The following CARMIL1 variants were observed in gnomAD, a reference collection of about 807,000 sequenced individuals.
CARMIL1 encodes the protein F-actin-uncapping protein LRRC16A.
A neutral mutation model predicts 177.1 loss-of-function variants in CARMIL1; 90 were observed. The ratio of observed to expected loss-of-function variants is 0.51; its 90% CI spans 0.43 to 0.61. CARMIL1 has a LOEUF of 0.61. CARMIL1 is among the 20% of genes least tolerant of loss of function. The probability of loss-of-function intolerance (pLI) is 0.00; values close to 1 mark genes in which losing one functional copy is unlikely to be tolerated. For missense variants in CARMIL1, 1,380 were observed against 1,667.0 expected, an observed-to-expected ratio of 0.83 and a Z score of 3.00; for synonymous variants, 577 against 606.2, an observed-to-expected ratio of 0.95 and a Z score of 0.71.
chr6:25,422,059 AG>A (rs1341226424), intron 3 of CARMIL1, among the ~76,000 whole-genome samples: 2 of 152,298 alleles, frequency 1.3e-5, no homozygotes, highest in East Asian at 3.9e-4. Context: ...AATAGCTAAA[AG>A]ATGTGAAGTT....
intron 2 of CARMIL1, among the ~76,000 whole-genome samples, chr6:25,335,935 C>CT (rs2150302989): frequency 6.6e-6 from 1 of 150,540 alleles, no homozygotes; most frequent in South Asian, 2.1e-4. Context: ...GGTGGGATCT[C>CT]TGTCTGCTCT....
intron 2 of CARMIL1, among the ~76,000 whole-genome samples, chr6:25,316,370 C>T (rs1196659425): frequency 6.6e-6 from 1 of 150,894 alleles, no homozygotes; most frequent in East Asian, 1.9e-4. Flanking sequence ...GTCAGGGTCT[C>T]AATTTTGAAT....
At chr6:25,281,702 C>G (rs1419954158) in intron 1 of CARMIL1, among the ~76,000 whole-genome samples, 1 of 152,108 alleles carries the variant, frequency 6.6e-6, no homozygotes, top group Non-Finnish European at 1.5e-5. Context: ...ATACCTGCAC[C>G]TGCTTTCCTC....
intron 5 of CARMIL1, among the ~76,000 whole-genome samples, chr6:25,449,299 T>G (rs1798553692): frequency 6.6e-6 from 1 of 152,134 alleles, no homozygotes; most frequent in African/African-American, 2.4e-5. Context: ...AAAAGGAAAC[T>G]TTGGGATGGT....
rs550139537 is a variant in CARMIL1 at position 25,583,451 on chromosome 6, G to C, written c.3006+2012G>C. ...TTTAAGTTCTGTGTAGGCAGGGCCT[G>C]TGATTTATTATTCATGGTAATATGC... On this transcript the variant is annotated intron_variant, in intron 31 of 36. Transcript: ENST00000329474. 6.1e-5 allele frequency among the ~76,000 whole-genome samples: 9 copies of C among 147,714 alleles called. No homozygotes were observed. In the South Asian group the frequency reaches 2.0e-3, roughly 33 times the overall value.
chr6:25,279,568 C>G lies in CARMIL1; in HGVS notation c.-228C>G. 1.7e-6 allele frequency: 1 copy of G among 586,870 alleles called. No individual in the cohort carries two copies. The highest frequency in any genetic ancestry group is 2.0e-5 in the South Asian group (1 of 49,176). The allele number at this position is 586,870 out of a possible 1,614,324, so 36.4% of individuals were successfully genotyped here. A position where few individuals can be genotyped will look rare whatever the true frequency, so the allele number is the denominator to read the frequency against. On this transcript the variant is annotated 5_prime_UTR_variant, in exon 1 of 37. Transcript: ENST00000329474. ...TCAGCCGCCGGGAACTGCGAGGAGG[C>G]GTCATGTAGCAGCAGCAGCAAATCC...
At chr6:25,299,468 G>A (rs1485829780) in intron 2 of CARMIL1, among the ~76,000 whole-genome samples, 5 of 151,330 alleles carry the variant, frequency 3.3e-5, no homozygotes, top group African/African-American at 4.9e-5. Flanking sequence ...CACAGCACCC[G>A]GCCCATGCTG....
intron 8 of CARMIL1, among the ~76,000 whole-genome samples, chr6:25,459,274 T>TTC (rs1302680954): frequency 9.7e-5 from 3 of 30,952 alleles, no homozygotes; most frequent in Non-Finnish European, 2.3e-4. Context: ...TTCTTTTTTT[T>TTC]TTTTTTAAGA....
chr6:25,469,001 C>T (rs1800872682), intron 9 of CARMIL1, among the ~76,000 whole-genome samples: 1 of 152,180 alleles, frequency 6.6e-6, no homozygotes, highest in Non-Finnish European at 1.5e-5. Context: ...CATGACAACA[C>T]AGAATAAGAC....
intron 2 of CARMIL1, among the ~76,000 whole-genome samples, chr6:25,348,549 C>T (rs536400725): frequency 2.6e-5 from 4 of 151,632 alleles, no homozygotes; most frequent in East Asian, 2.0e-4. Flanking sequence ...TTTGGGAGGC[C>T]GAGCTGGGCG....
intron 20 of CARMIL1, among the ~76,000 whole-genome samples, chr6:25,513,875 A>G (rs1008679805): frequency 4.6e-5 from 7 of 152,218 alleles, no homozygotes; most frequent in African/African-American, 1.7e-4. Context: ...TAGTGTGGCT[A>G]GGACAATATA....
At chr6:25,333,315 C>A (rs374558270) in intron 2 of CARMIL1, among the ~76,000 whole-genome samples, 1 of 152,134 alleles carries the variant, frequency 6.6e-6, no homozygotes, top group Non-Finnish European at 1.5e-5. Flanking sequence ...GTTATCCCAG[C>A]ACTTTGGGAG....
chr6:25,504,625 G>A (rs1056813607), intron 17 of CARMIL1, among the ~76,000 whole-genome samples: 11 of 152,092 alleles, frequency 7.2e-5, no homozygotes, highest in African/African-American at 2.2e-4. Flanking sequence ...TTAACCTTAC[G>A]TTTTCAGATA....
chr6:25,558,723 T>C lies in CARMIL1; in HGVS notation c.2742+1873T>C, dbSNP rs1369261896. Reference sequence around the variant, plus strand: ...CGTTAGGAGGGTAGACTTTATCTGGTTTAAAGGGCCAAGGAGGTAAGCAGG... The same window carrying C: ...CGTTAGGAGGGTAGACTTTATCTGGCTTAAAGGGCCAAGGAGGTAAGCAGG... On this transcript the variant is annotated intron_variant, in intron 29 of 36. Coordinates refer to ENST00000329474, the MANE Select transcript of CARMIL1 (RefSeq NM_017640.6). The surrounding 1 kb of genome is among the most constrained non-coding windows in gnomAD (Gnocchi z 4.1). Among the ~76,000 whole-genome samples the C allele has an allele frequency of 6.6e-6, 1 of 151,928 alleles. No homozygotes were observed. Among genetic ancestry groups the C allele is most frequent in the Non-Finnish European group, 1.5e-5 (1 of 67,982 alleles).
chr6:25,398,931 C>T (rs1423457496), intron 2 of CARMIL1, among the ~76,000 whole-genome samples: 2 of 152,138 alleles, frequency 1.3e-5, no homozygotes, highest in African/African-American at 4.8e-5. Context: ...TTATAAACCT[C>T]TTTGAGTCTT....
chr6:25,542,058 G>A (rs945479623), intron 26 of CARMIL1, among the ~76,000 whole-genome samples: 2 of 152,090 alleles, frequency 1.3e-5, no homozygotes, highest in East Asian at 1.9e-4. Context: ...ATTCATATCC[G>A]TTGCCTAATT....
rs557701454 is a variant in CARMIL1, at chr6:25,522,858, G to A, written c.1968+2521G>A. 3.7e-4 allele frequency among the ~76,000 whole-genome samples: 56 copies of A among 152,278 alleles called. No individual in the cohort carries two copies. The South Asian group carries it at 9.5e-3, about 26-fold the overall frequency. On this transcript the variant is annotated intron_variant, in intron 23 of 36. Coordinates refer to ENST00000329474, the MANE Select transcript of CARMIL1 (RefSeq NM_017640.6). ...AGGGTCTGGCTCTGTTGCCCAAGCTGGAGTGCAGTGGTGCAGTCATGGCTC... is the reference window on the plus strand; with the variant it reads ...AGGGTCTGGCTCTGTTGCCCAAGCTAGAGTGCAGTGGTGCAGTCATGGCTC...
At position 25,606,233 on chromosome 6, in the gene CARMIL1, G is replaced by A. The variant is rs1249405582; in HGVS notation, c.3807G>A (p.Arg1269=). The change falls in exon 35 of 37, where the codon CGG becomes CGA. Residue 1269 remains arginine, a synonymous_variant. Transcript: ENST00000329474. ...CCCCCAAACCCAGTCTGGCAGCACG[G>A]CCCGTCATCCCGCAGAAACCAAGAA... The part of the protein sequence containing the change: ...LQSPKPSLAA[R]PVIPQKPRTA... 1 of 1,613,776 alleles carries A rather than the reference G, an allele frequency of 6.2e-7. No individual in the cohort carries two copies. The highest frequency in any genetic ancestry group is 1.3e-5 in the African/African-American group (1 of 74,916).
chr6:25,459,545 C>T (rs1799958504), intron 8 of CARMIL1, among the ~76,000 whole-genome samples: 1 of 151,894 alleles, frequency 6.6e-6, no homozygotes, highest in African/African-American at 2.4e-5. Context: ...AGTCACCATA[C>T]CTGACCTGGA....
Sources: gnomAD v4.1 joint callset for allele counts (sites outside exome capture counted in the v4.1 genomes callset) on GRCh38, gnomAD v4.1.1 for gene constraint, Gnocchi (gnomAD v3.1) non-coding constraint, MANE v1.5 for transcripts, NCBI Gene and HGNC (gene_info 2026-07-23, HGNC 2026-07-21) for gene names.